The following PAK5 variants were observed in gnomAD, a reference collection of about 807,000 sequenced individuals.
The protein encoded by PAK5 is p21 (RAC1) activated kinase 5.
PAK5 carries 16 observed loss-of-function variants against 65.9 expected under a neutral mutation model. The observed-to-expected ratio is 0.24, with a 90% CI of 0.16 to 0.37. The LOEUF is 0.37. Among genes scored for constraint, PAK5 ranks in the 10% least tolerant of loss-of-function variants. The pLI is 1.00. For synonymous variants in PAK5, 371 were observed against 354.9 expected (o/e 1.05, Z -0.51); for missense variants, 785 against 903.9 (o/e 0.87, Z 1.69).
Position 9,706,471 on chromosome 20 carries a change from C to CTT in PAK5, c.-12+4813_-12+4814dup, listed in dbSNP as rs34420250. 1.9e-3 allele frequency among the ~76,000 whole-genome samples: 236 copies of CTT among 125,392 alleles called. 2 individuals are homozygous for CTT. The highest frequency in any genetic ancestry group is 6.7e-3 in the African/African-American group (226 of 33,746). The allele number at this position is 125,392 out of a possible 152,430, so 82.3% of individuals were successfully genotyped here. A position where few individuals can be genotyped will look rare whatever the true frequency, so the allele number is the denominator to read the frequency against. On this transcript the variant is annotated intron_variant, in intron 2 of 9. Coordinates refer to ENST00000353224, the MANE Select transcript of PAK5 (RefSeq NM_177990.4). ...GAAATAAATACACATTCTACAAACTCTTTTTTTTTTTTTTTTTCTTTTTAA... is the reference window on the plus strand; with the variant it reads ...GAAATAAATACACATTCTACAAACTCTTTTTTTTTTTTTTTTTTTCTTTTTAA...
chr20:9,625,029 GA>G (rs1178818216), intron 3 of PAK5, among the ~76,000 whole-genome samples: 4 of 152,114 alleles, frequency 2.6e-5, no homozygotes, highest in Non-Finnish European at 5.9e-5. Context: ...AGCCATTCAT[GA>G]AGGTTAAAAA....
chr20:9,547,339 TA>T (rs1192407478), intron 7 of PAK5, among the ~76,000 whole-genome samples: 2 of 152,318 alleles, frequency 1.3e-5, no homozygotes, highest in South Asian at 2.1e-4. Context: ...ACTCAATTGG[TA>T]GCAATTTGTT....
intron 1 of PAK5, among the ~76,000 whole-genome samples, chr20:9,781,231 G>C (rs958723970): frequency 1.3e-5 from 2 of 152,046 alleles, no homozygotes; most frequent in Non-Finnish European, 2.9e-5. Flanking sequence ...CTGAGAGAAA[G>C]GTATGCATAA....
rs1047486725 is a variant in PAK5, at chr20:9,746,208, GC to G, written c.-161-34774del. Reference sequence around the variant, plus strand: ...CTTCATACAGCCATAGCCCTGCCCTGCCCCACACACCCTGGACACCTGTCTC... The same window carrying G: ...CTTCATACAGCCATAGCCCTGCCCTGCCCACACACCCTGGACACCTGTCTC... On this transcript the variant is annotated intron_variant, in intron 1 of 9. Coordinates refer to ENST00000353224, the MANE Select transcript of PAK5 (RefSeq NM_177990.4). 3.5e-4 allele frequency among the ~76,000 whole-genome samples: 53 copies of G among 151,950 alleles called. 1 individual carries two copies. Among genetic ancestry groups the G allele is most frequent in the African/African-American group, 1.2e-3 (50 of 41,390 alleles).
intron 3 of PAK5, among the ~76,000 whole-genome samples, chr20:9,626,547 A>G (rs1158937161): frequency 1.3e-5 from 2 of 152,210 alleles, no homozygotes; most frequent in Non-Finnish European, 2.9e-5. Context: ...CAAACAAACA[A>G]AAAGTCCTGT....
chr20:9,800,050 A>G (rs2049152035), intron 1 of PAK5, among the ~76,000 whole-genome samples: 1 of 152,018 alleles, frequency 6.6e-6, no homozygotes, highest in African/African-American at 2.4e-5. Flanking sequence ...TAAAAGATTC[A>G]AGTGTAGAAT....
At chr20:9,744,641 C>G (rs1817465700) in intron 1 of PAK5, among the ~76,000 whole-genome samples, 1 of 152,276 alleles carries the variant, frequency 6.6e-6, no homozygotes, top group East Asian at 1.9e-4. Flanking sequence ...CCTGAAGAAA[C>G]AGCATCACAG....
At chr20:9,555,548 C>T (rs193269392) in intron 7 of PAK5, among the ~76,000 whole-genome samples, 4 of 152,164 alleles carry the variant, frequency 2.6e-5, no homozygotes, top group Admixed American at 6.6e-5. Context: ...ATTCTGACAC[C>T]GTGGAGCCTT....
intron 3 of PAK5, among the ~76,000 whole-genome samples, chr20:9,643,575 A>T (rs1300928238): frequency 1.3e-5 from 2 of 152,174 alleles, no homozygotes; most frequent in Admixed American, 6.5e-5. Flanking sequence ...AAGACAAATA[A>T]ATATGTGCGT....
chr20:9,630,692 T>C (rs1264436803), intron 3 of PAK5, among the ~76,000 whole-genome samples: 1 of 152,118 alleles, frequency 6.6e-6, no homozygotes, highest in East Asian at 1.9e-4. Context: ...CTGCCTTTCA[T>C]GAAAAGGAAG....
At chr20:9,558,007 C>CATTTATTTATTTATTT (rs59495767) in intron 6 of PAK5, among the ~76,000 whole-genome samples, 11 of 140,722 alleles carry the variant, frequency 7.8e-5, no homozygotes, top group Admixed American at 2.1e-4. Context: ...TCCAGGAACT[C>CATTTATTTATTTATTT]ATTTATTTAT....
intron 3 of PAK5, among the ~76,000 whole-genome samples, chr20:9,617,846 C>T (rs758823135): frequency 1.3e-5 from 2 of 152,048 alleles, no homozygotes; most frequent in African/African-American, 2.4e-5. Context: ...TGAGCCACGA[C>T]GCCCGGCAAG....
chr20:9,590,047 G>A (rs145045902), intron 3 of PAK5, among the ~76,000 whole-genome samples: 3 of 152,046 alleles, frequency 2.0e-5, no homozygotes, highest in African/African-American at 7.2e-5. Context: ...GAGTATAGTG[G>A]TGCAATCATA....
chr20:9,607,341 G>T (rs1157327013), intron 3 of PAK5, among the ~76,000 whole-genome samples: 4 of 152,194 alleles, frequency 2.6e-5, no homozygotes, highest in Non-Finnish European at 5.9e-5. Context: ...GAAGTGCCAA[G>T]GCCAATATAA....
At chr20:9,573,146 C>T (rs1355766166) in intron 4 of PAK5, among the ~76,000 whole-genome samples, 1 of 149,614 alleles carries the variant, frequency 6.7e-6, no homozygotes, top group Non-Finnish European at 1.5e-5. Context: ...TTTTTAGCTT[C>T]CTGACACTTT....
intron 1 of PAK5, among the ~76,000 whole-genome samples, chr20:9,820,788 C>T (rs561663190): frequency 1.1e-4 from 16 of 152,240 alleles, no homozygotes; most frequent in African/African-American, 3.4e-4. Flanking sequence ...CTGTGTAACA[C>T]GGAAGCCCTG....
At chr20:9,655,613 C>A (rs937290737) in intron 2 of PAK5, among the ~76,000 whole-genome samples, 3 of 152,144 alleles carry the variant, frequency 2.0e-5, no homozygotes, top group Non-Finnish European at 4.4e-5. Flanking sequence ...TTAAAAACAT[C>A]ATTCCTGTGA....
At chr20:9,609,899 C>G (rs752423387) in intron 3 of PAK5, among the ~76,000 whole-genome samples, 36 of 152,164 alleles carry the variant, frequency 2.4e-4, no homozygotes, top group Non-Finnish European at 4.1e-4. Context: ...CACTCTAAAT[C>G]CATTCTATGG....
chr20:9,808,001 A>G (rs1463078338), intron 1 of PAK5, among the ~76,000 whole-genome samples: 1 of 152,112 alleles, frequency 6.6e-6, no homozygotes, highest in African/African-American at 2.4e-5. Context: ...GGGAATTTGT[A>G]TTAACAGAGA....
Sources: allele counts gnomAD v4.1 joint callset (sites outside exome capture counted in the v4.1 genomes callset), GRCh38; gene constraint gnomAD v4.1.1; transcripts MANE v1.5; gene names NCBI Gene and HGNC (gene_info 2026-07-23, HGNC 2026-07-21).